HS2ST1: variants seen among roughly 807,000 people sequenced by gnomAD.
HS2ST1 encodes heparan sulfate 2-O-sulfotransferase 1.
A neutral mutation model predicts 42.9 loss-of-function variants in HS2ST1; 18 were observed. The ratio of observed to expected loss-of-function variants is 0.42; its 90% CI spans 0.29 to 0.62. The LOEUF is 0.62. Among genes scored for constraint, HS2ST1 ranks in the 20% least tolerant of loss-of-function variants. The probability of loss-of-function intolerance (pLI) is 0.21; values close to 1 mark genes in which losing one functional copy is unlikely to be tolerated. For synonymous variants in HS2ST1, 146 were observed against 152.9 expected, an observed-to-expected ratio of 0.95 and a Z score of 0.33; for missense variants, 334 against 433.8, an observed-to-expected ratio of 0.77 and a Z score of 2.04.
At chr1:87,021,067 CA>C (rs1270700268) in intron 1 of HS2ST1, among the ~76,000 whole-genome samples, 2 of 152,096 alleles carry the variant, frequency 1.3e-5, no homozygotes, top group Non-Finnish European at 2.9e-5. Flanking sequence ...GGAAGTTAGT[CA>C]AGAGGTAACT....
At chr1:87,097,774 T>G in intron 4 of HS2ST1, 64 bp from the exon 5 acceptor site, 1 of 1,577,796 alleles carries the variant, frequency 6.3e-7, no homozygotes, top group Non-Finnish European at 8.7e-7. Context: ...ATTTACCACA[T>G]TAGATATTTG....
At chr1:87,011,221 T>C (rs1378424038) in intron 1 of HS2ST1, among the ~76,000 whole-genome samples, 1 of 152,106 alleles carries the variant, frequency 6.6e-6, no homozygotes, top group Non-Finnish European at 1.5e-5. Context: ...TCAGTTATAA[T>C]TCCTTTTACT....
At chr1:87,014,289 A>G (rs1009567993) in intron 1 of HS2ST1, among the ~76,000 whole-genome samples, 1 of 152,210 alleles carries the variant, frequency 6.6e-6, no homozygotes, top group Non-Finnish European at 1.5e-5. Flanking sequence ...AGGTGAAGCA[A>G]GACATGTATT....
chr1:87,038,140 C>T (rs1254033395), intron 1 of HS2ST1, among the ~76,000 whole-genome samples: 1 of 151,912 alleles, frequency 6.6e-6, no homozygotes, highest in Non-Finnish European at 1.5e-5. Flanking sequence ...AGGTCACAAC[C>T]ATCTGTTTTA....
At chr1:87,052,838 T>A (rs1381005472) in intron 1 of HS2ST1, among the ~76,000 whole-genome samples, 1 of 152,222 alleles carries the variant, frequency 6.6e-6, no homozygotes, top group Non-Finnish European at 1.5e-5. Flanking sequence ...TCTATATCTG[T>A]CTTCTTAATA....
intron 1 of HS2ST1, among the ~76,000 whole-genome samples, chr1:86,958,749 A>G (rs770510728): frequency 2.0e-5 from 3 of 152,240 alleles, no homozygotes; most frequent in Non-Finnish European, 2.9e-5. Flanking sequence ...TCTTAATACC[A>G]AAGAGTACCT....
chr1:86,930,966 CTAGT>C (rs932909002), intron 1 of HS2ST1, among the ~76,000 whole-genome samples: 2 of 151,822 alleles, frequency 1.3e-5, no homozygotes, highest in African/African-American at 4.8e-5. Context: ...TTGAAAATGA[CTAGT>C]TAGTGGGGGA....
chr1:87,013,109 T>G (rs1649650614), intron 1 of HS2ST1, among the ~76,000 whole-genome samples: 1 of 152,204 alleles, frequency 6.6e-6, no homozygotes, highest in Non-Finnish European at 1.5e-5. Context: ...TGGAGTACAG[T>G]GCCCCTCTTC....
intron 1 of HS2ST1, among the ~76,000 whole-genome samples, chr1:86,933,554 G>C (rs902870929): frequency 6.6e-6 from 1 of 152,010 alleles, no homozygotes; most frequent in South Asian, 2.1e-4. Context: ...TTTGAATGTC[G>C]TGTAGTTTTT....
chr1:87,092,362 T>C (rs1181741414), intron 3 of HS2ST1, among the ~76,000 whole-genome samples, 169 bp from the exon 4 acceptor site: 2 of 135,668 alleles, frequency 1.5e-5, no homozygotes, highest in African/African-American at 5.6e-5. Flanking sequence ...ACATGAATAA[T>C]CATGAAATAG....
At chr1:87,091,938 G>T (rs1437788850) in intron 3 of HS2ST1, among the ~76,000 whole-genome samples, 1 of 151,932 alleles carries the variant, frequency 6.6e-6, no homozygotes, top group Non-Finnish European at 1.5e-5. Flanking sequence ...GCAACAGAAG[G>T]TAGATTGACA....
chr1:86,958,855 C>G (rs994384441), intron 1 of HS2ST1, among the ~76,000 whole-genome samples: 1 of 152,140 alleles, frequency 6.6e-6, no homozygotes, highest in Non-Finnish European at 1.5e-5. Context: ...ATTAGCAAAT[C>G]AAATCCAAAA....
At chr1:87,009,719 G>A (rs1301072368) in intron 1 of HS2ST1, among the ~76,000 whole-genome samples, 1 of 152,008 alleles carries the variant, frequency 6.6e-6, no homozygotes, top group African/African-American at 2.4e-5. Context: ...GTGATAGCAG[G>A]ACCTGTGTCA....
chr1:87,005,140 A>G (rs532374462), intron 1 of HS2ST1, among the ~76,000 whole-genome samples: 9 of 152,258 alleles, frequency 5.9e-5, no homozygotes, highest in African/African-American at 1.7e-4. Flanking sequence ...TAAAGTTGAT[A>G]TCTTTTGCTA....
intron 1 of HS2ST1, among the ~76,000 whole-genome samples, chr1:86,975,689 T>C (rs1251408290): frequency 1.3e-5 from 2 of 152,228 alleles, no homozygotes; most frequent in Non-Finnish European, 2.9e-5. Context: ...GTTTAAGGCA[T>C]TGTTTATTTT....
chr1:87,025,660 A>G (rs1650068162), intron 1 of HS2ST1, among the ~76,000 whole-genome samples: 1 of 152,208 alleles, frequency 6.6e-6, no homozygotes, highest in African/African-American at 2.4e-5. Context: ...CTTTCCATCA[A>G]TAATTTAAGA....
chr1:87,012,533 G>A (rs145008391), intron 1 of HS2ST1, among the ~76,000 whole-genome samples: 1 of 152,190 alleles, frequency 6.6e-6, no homozygotes, highest in East Asian at 1.9e-4. Flanking sequence ...ACAACACATG[G>A]GAATTATGGG....
intron 3 of HS2ST1, among the ~76,000 whole-genome samples, chr1:87,086,773 G>A (rs1282885331): frequency 6.6e-6 from 1 of 151,698 alleles, no homozygotes; most frequent in Non-Finnish European, 1.5e-5. Flanking sequence ...ATCCCATCTT[G>A]CTCCTTTTTG....
At chr1:86,928,465 A>G (rs974115921) in intron 1 of HS2ST1, among the ~76,000 whole-genome samples, 1 of 151,938 alleles carries the variant, frequency 6.6e-6, no homozygotes, top group African/African-American at 2.4e-5. Context: ...CTTGATTTAT[A>G]TTCTGTATTT....
Sources: allele counts gnomAD v4.1 joint callset (sites outside exome capture counted in the v4.1 genomes callset), GRCh38; gene constraint gnomAD v4.1.1; transcripts MANE v1.5; gene names NCBI Gene and HGNC (gene_info 2026-07-23, HGNC 2026-07-21).